Variants in TMEM178A observed in about 807,000 individuals in gnomAD.
The protein encoded by TMEM178A is transmembrane protein 178.
TMEM178A carries 12 observed loss-of-function variants against 29.1 expected under a neutral mutation model. The ratio of observed to expected loss-of-function variants is 0.41; its 90% CI spans 0.26 to 0.67. The LOEUF (loss-of-function observed/expected upper bound fraction) is 0.67. Among genes scored for constraint, TMEM178A ranks in the 30% least tolerant of loss-of-function variants. TMEM178A has a pLI of 0.29. For missense variants in TMEM178A, 366 were observed against 419.1 expected (o/e 0.87, Z 1.11); for synonymous variants, 210 against 187.2 (o/e 1.12, Z -0.99).
chr2:39,666,670 G>A (rs982778888), intron 1 of TMEM178A, among the ~76,000 whole-genome samples: 3 of 151,992 alleles, frequency 2.0e-5, no homozygotes, highest in Non-Finnish European at 4.4e-5. Flanking sequence ...CCCATTCCCC[G>A]GTTCTCTCTC....
At position 39,666,336 on chromosome 2, in the gene TMEM178A, T is replaced by C; in HGVS notation, c.362T>C (p.Leu121Pro). The stretch of plus-strand genomic sequence containing the variant: ...GGCCTCTGGAGGAAGTGCTACTTCC[T>C]GGGCATCGACCGGGACATCGACACC... ...YSGLWRKCYF[L>P]GIDRDIDTLI... The change falls in exon 1 of 4, where the codon CTG becomes CCG. Residue 121 changes from leucine (L) to proline (P), a missense_variant. Physicochemically the swap from Leu to Pro is moderately conservative, Grantham distance 98. Around this residue, in one of 2 missense-constraint regions of TMEM178A, gnomAD observed 247 missense variants for 246.8 expected, o/e 1.00. Coordinates refer to ENST00000281961, the MANE Select transcript of TMEM178A (RefSeq NM_152390.3). 1 of 1,449,622 alleles carries C rather than the reference T, an allele frequency of 6.9e-7. No individual in the cohort carries two copies. The highest frequency in any genetic ancestry group is 9.1e-7 in the Non-Finnish European group (1 of 1,100,716). 89.8% of individuals were successfully genotyped at this position (1,449,622 alleles called of 1,614,324 possible).
chr2:39,701,440 A>G (rs1258196993), intron 1 of TMEM178A, among the ~76,000 whole-genome samples: 3 of 151,944 alleles, frequency 2.0e-5, no homozygotes, highest in Admixed American at 6.5e-5. Flanking sequence ...TTTTTTGTGT[A>G]TATGATAATT....
intron 1 of TMEM178A, among the ~76,000 whole-genome samples, chr2:39,671,467 C>T (rs889661686): frequency 2.6e-5 from 4 of 152,148 alleles, no homozygotes; most frequent in East Asian, 1.9e-4. Context: ...AGATTGTTCT[C>T]GGACCTTCTC....
chr2:39,733,028 A>AC, the TMEM178A span, among the ~76,000 whole-genome samples: 3 of 152,044 alleles, frequency 2.0e-5, no homozygotes, highest in Non-Finnish European at 4.4e-5. Flanking sequence ...AAAAATCTAT[A>AC]CCCTTACTCC....
At chr2:39,702,739 A>T (rs904137596) in intron 1 of TMEM178A, among the ~76,000 whole-genome samples, 2 of 152,092 alleles carry the variant, frequency 1.3e-5, no homozygotes, top group Admixed American at 1.3e-4. Context: ...TAAAAAATAA[A>T]AAAAAAAGCT....
At chr2:39,729,370 T>G in the TMEM178A span, among the ~76,000 whole-genome samples, 2 of 152,280 alleles carry the variant, frequency 1.3e-5, no homozygotes, top group Admixed American at 6.5e-5. Flanking sequence ...AATCCAATTA[T>G]CATATGTCAG....
chr2:39,715,883 AG>A (rs1214831826), intron 3 of TMEM178A, among the ~76,000 whole-genome samples: 1 of 152,230 alleles, frequency 6.6e-6, no homozygotes, highest in Non-Finnish European at 1.5e-5. Context: ...AGGTTAAAAA[AG>A]GGTGGTGGGT....
At chr2:39,699,603 C>T (rs182112726) in intron 1 of TMEM178A, among the ~76,000 whole-genome samples, 26 of 151,196 alleles carry the variant, frequency 1.7e-4, no homozygotes, top group South Asian at 4.2e-4. Flanking sequence ...ACTACAGGTG[C>T]GTGCCATCAT....
At chr2:39,732,121 C>T in the TMEM178A span, among the ~76,000 whole-genome samples, 1 of 152,154 alleles carries the variant, frequency 6.6e-6, no homozygotes. Context: ...ATCTCTCCTT[C>T]CAGGAAAAGT....
chr2:39,691,520 G>A (rs941098594), intron 1 of TMEM178A, among the ~76,000 whole-genome samples: 6 of 152,270 alleles, frequency 3.9e-5, no homozygotes, highest in African/African-American at 7.2e-5. Context: ...AAAGAGAACC[G>A]TGGTACACTG....
chr2:39,718,513 T>C (rs1672634032), downstream of TMEM178A, among the ~76,000 whole-genome samples: 1 of 152,230 alleles, frequency 6.6e-6, no homozygotes, highest in South Asian at 2.1e-4. Flanking sequence ...GCCAGAACCG[T>C]GGTTATCTCC....
chr2:39,689,110 G>A lies in TMEM178A; in HGVS notation c.401-14971G>A, dbSNP rs138579166. Reference sequence around the variant, plus strand: ...TGATCCAGAGTTCATTTTCATAAAGGAAACAAACTTTTGAAAGTGTAGCTC... The same window carrying A: ...TGATCCAGAGTTCATTTTCATAAAGAAAACAAACTTTTGAAAGTGTAGCTC... On this transcript the variant is annotated intron_variant, in intron 1 of 3. Transcript: ENST00000281961. Among the ~76,000 whole-genome samples the A allele has an allele frequency of 9.9e-5, 15 of 152,246 alleles. 1 individual carries two copies. In the East Asian group the frequency reaches 2.9e-3, roughly 29 times the overall value.
chr2:39,666,087 G>T lies in TMEM178A; in HGVS notation c.113G>T (p.Arg38Leu). 1.9e-6 allele frequency: 3 copies of T among 1,568,242 alleles called. No homozygotes were observed. Among genetic ancestry groups the T allele is most frequent in the Non-Finnish European group, 2.6e-6 (3 of 1,161,062 alleles). Residue 38 changes from arginine (R) to leucine (L), a missense_variant, in exon 1 of 4, where the codon CGC becomes CTC. Coordinates refer to ENST00000281961, the MANE Select transcript of TMEM178A (RefSeq NM_152390.3). Reference protein sequence around the residue: ...TDHWYETDPRRHKESCERSRA... With the variant: ...TDHWYETDPRLHKESCERSRA... ...CACTGGTACGAGACCGACCCCCGGCGCCACAAGGAGAGCTGCGAGCGCAGC... is the reference window on the plus strand; with the variant it reads ...CACTGGTACGAGACCGACCCCCGGCTCCACAAGGAGAGCTGCGAGCGCAGC...
intron 1 of TMEM178A, among the ~76,000 whole-genome samples, chr2:39,679,391 G>A (rs1670773453): frequency 8.6e-6 from 1 of 116,410 alleles, no homozygotes; most frequent in African/African-American, 3.1e-5. Context: ...TAAGGTACTT[G>A]GTGTTAAAAA....
chr2:39,670,523 G>C (rs1670369207), intron 1 of TMEM178A, among the ~76,000 whole-genome samples: 1 of 152,154 alleles, frequency 6.6e-6, no homozygotes, highest in Non-Finnish European at 1.5e-5. Flanking sequence ...AGCACTGGTG[G>C]GTAAAATGAC....
At position 39,717,213 on chromosome 2, in the gene TMEM178A, A is replaced by T; in HGVS notation, c.856A>T (p.Ile286Phe). Reference protein sequence around the residue: ...IAYPFISRTKIAQLKSGRDST... With the variant: ...IAYPFISRTKFAQLKSGRDST... ...TTATCCGTTTATTAGCCGGACCAAG[A>T]TTGCACAGCTAAAGTCTGGCAGAGA... is the stretch of plus-strand genomic sequence containing the variant. Residue 286 changes from isoleucine to phenylalanine, a missense_variant, in exon 4 of 4, where the codon ATT becomes TTT. This residue lies in a region of TMEM178A where 119 missense variants were observed against 172.2 expected (regional missense o/e 0.69). Transcript: ENST00000281961. The T allele has an allele frequency of 6.2e-7, 1 of 1,613,496 alleles. No homozygotes were observed. The highest frequency in any genetic ancestry group is 8.5e-7 in the Non-Finnish European group (1 of 1,179,936).
At chr2:39,705,532 A>G (rs1459854501) in intron 2 of TMEM178A, among the ~76,000 whole-genome samples, 3 of 152,206 alleles carry the variant, frequency 2.0e-5, no homozygotes, top group South Asian at 2.1e-4. Context: ...AGCGTCTTTA[A>G]ATTATCACTG....
At chr2:39,685,299 T>G in intron 1 of TMEM178A, among the ~76,000 whole-genome samples, 1 of 152,224 alleles carries the variant, frequency 6.6e-6, no homozygotes, top group South Asian at 2.1e-4. Flanking sequence ...ACCCTGTGCA[T>G]GCTCTTCCTT....
At chr2:39,698,458 A>G (rs2148091572) in intron 1 of TMEM178A, among the ~76,000 whole-genome samples, 1 of 152,306 alleles carries the variant, frequency 6.6e-6, no homozygotes, top group South Asian at 2.1e-4. Context: ...GGTATATTGT[A>G]TTAATTGATT....
Sources: gnomAD v4.1 joint callset for allele counts (sites outside exome capture counted in the v4.1 genomes callset) on GRCh38, gnomAD v4.1.1 for gene constraint, gnomAD v4.1.1 regional missense constraint, MANE v1.5 for transcripts, NCBI Gene and HGNC (gene_info 2026-07-23, HGNC 2026-07-21) for gene names.